The following CSMD1 variants were observed in gnomAD, a reference collection of about 807,000 sequenced individuals.
The protein encoded by CSMD1 is CUB and sushi domain-containing protein 1.
Under a neutral mutation model 417.5 loss-of-function variants are expected in CSMD1, and 213 were observed. The observed-to-expected ratio is 0.51, with a 90% CI of 0.46 to 0.57. CSMD1 has a LOEUF of 0.57. CSMD1 is among the 20% of genes least tolerant of loss of function. The probability of loss-of-function intolerance (pLI) is 0.00; values close to 1 mark genes in which losing one functional copy is unlikely to be tolerated. For synonymous variants in CSMD1, 2,862 were observed against 1,736.8 expected (o/e 1.65, Z -16.11); for missense variants, 6,923 against 4,529.7 (o/e 1.53, Z -15.17).
At chr8:4,910,798 A>T (rs1048896560) in intron 1 of CSMD1, among the ~76,000 whole-genome samples, 1 of 152,232 alleles carries the variant, frequency 6.6e-6, no homozygotes, top group Non-Finnish European at 1.5e-5. Flanking sequence ...AAATATAGTC[A>T]TCCAATTGAT....
intron 1 of CSMD1, among the ~76,000 whole-genome samples, chr8:4,874,101 G>A (rs936304230): frequency 4.6e-5 from 7 of 151,980 alleles, no homozygotes; most frequent in Non-Finnish European, 8.8e-5. Context: ...TCAGGCCTTG[G>A]TCTGTAGTAT....
At chr8:4,652,515 T>G (rs1803961469) in intron 1 of CSMD1, among the ~76,000 whole-genome samples, 1 of 151,962 alleles carries the variant, frequency 6.6e-6, no homozygotes, top group African/African-American at 2.4e-5. Flanking sequence ...TCGCCCCATG[T>G]GGTGGCTGCA....
At chr8:4,203,640 T>C (rs763799161) in intron 3 of CSMD1, among the ~76,000 whole-genome samples, 6 of 152,090 alleles carry the variant, frequency 3.9e-5, no homozygotes, top group Non-Finnish European at 7.4e-5. Context: ...GGGTGGACAC[T>C]ACACACATTG....
intron 3 of CSMD1, among the ~76,000 whole-genome samples, chr8:4,214,433 G>A (rs866812069): frequency 6.6e-6 from 1 of 152,140 alleles, no homozygotes; most frequent in South Asian, 2.1e-4. Context: ...AAGTAGCTGA[G>A]ACTGCAGGCA....
chr8:4,910,292 T>C (rs1259260533), intron 1 of CSMD1, among the ~76,000 whole-genome samples: 1 of 152,248 alleles, frequency 6.6e-6, no homozygotes, highest in Non-Finnish European at 1.5e-5. Context: ...CGCATATATC[T>C]TGATTTATAC....
chr8:4,053,257 T>C (rs1038240158), intron 3 of CSMD1, among the ~76,000 whole-genome samples: 3 of 152,228 alleles, frequency 2.0e-5, no homozygotes, highest in Admixed American at 6.5e-5. Flanking sequence ...ACTACCAAGA[T>C]TTATTCAAAG....
chr8:3,710,407 G>A (rs1563297548), intron 6 of CSMD1, among the ~76,000 whole-genome samples: 1 of 152,182 alleles, frequency 6.6e-6, no homozygotes, highest in Non-Finnish European at 1.5e-5. Context: ...TAAGGCTGGA[G>A]ACGATCAATG....
At chr8:4,188,883 C>G (rs920392104) in intron 3 of CSMD1, among the ~76,000 whole-genome samples, 1 of 151,830 alleles carries the variant, frequency 6.6e-6, no homozygotes, top group Middle Eastern at 3.4e-3. Context: ...GTCTATGGAT[C>G]TGCCTGATGA....
intron 1 of CSMD1, among the ~76,000 whole-genome samples, chr8:4,941,449 A>C (rs1807994994): frequency 6.6e-6 from 1 of 152,170 alleles, no homozygotes; most frequent in Admixed American, 6.6e-5. Flanking sequence ...CATGTTGTAC[A>C]ACAAGTGTGC....
chr8:4,491,780 G>C (rs918099841), intron 2 of CSMD1, among the ~76,000 whole-genome samples: 1 of 152,144 alleles, frequency 6.6e-6, no homozygotes, highest in Non-Finnish European at 1.5e-5. Context: ...TGGGAACGCA[G>C]AATGGTAGAG....
chr8:4,351,805 T>C (rs1458587535), intron 3 of CSMD1, among the ~76,000 whole-genome samples: 4 of 152,112 alleles, frequency 2.6e-5, no homozygotes, highest in Non-Finnish European at 4.4e-5. Context: ...ATCCAGCATC[T>C]CAAAAGGAGC....
intron 1 of CSMD1, among the ~76,000 whole-genome samples, chr8:4,657,056 A>T (rs1462667886): frequency 6.6e-6 from 1 of 152,166 alleles, no homozygotes; most frequent in Non-Finnish European, 1.5e-5. Context: ...ATGGAGGCAA[A>T]TAACACAGTG....
At chr8:3,788,270 C>G (rs1261562642) in intron 5 of CSMD1, among the ~76,000 whole-genome samples, 1 of 152,148 alleles carries the variant, frequency 6.6e-6, no homozygotes, top group East Asian at 1.9e-4. Context: ...CATCAGTTTT[C>G]TTTCTTAAGG....
rs150107196 is a variant in CSMD1, at chr8:3,824,422, A to C, written c.819-70380T>G. 5.0e-3 allele frequency among the ~76,000 whole-genome samples: 766 copies of C among 152,276 alleles called. 17 individuals carry two copies. The highest frequency in any genetic ancestry group is 0.043 in the Admixed American group (656 of 15,282). On this transcript the variant is annotated intron_variant, in intron 5 of 69. Transcript: ENST00000635120. The stretch of plus-strand genomic sequence containing the variant: ...AGCTCCCAATGGGAAAGATGAATAG[A>C]CATTACAATCCTGTGTAACTTTTCA...
At chr8:4,069,493 C>G (rs980666769) in intron 3 of CSMD1, among the ~76,000 whole-genome samples, 2 of 152,124 alleles carry the variant, frequency 1.3e-5, no homozygotes, top group African/African-American at 2.4e-5. Flanking sequence ...AGTAAATGTG[C>G]AGACAGCCTG....
rs763804321 is a variant in CSMD1 at position 4,764,895 on chromosome 8, C to CAAAACAAAACAAAAAAA, written c.86-127338_86-127337insTTTTTTTGTTTTGTTTT. Among the ~76,000 whole-genome samples the CAAAACAAAACAAAAAAA allele has an allele frequency of 7.1e-3, 217 of 30,474 alleles. 8 individuals carry two copies. Among genetic ancestry groups the CAAAACAAAACAAAAAAA allele is most frequent in the East Asian group, 0.017 (20 of 1,168 alleles). 20.0% of individuals were successfully genotyped at this position (30,474 alleles called of 152,430 possible). On this transcript the variant is annotated intron_variant, in intron 1 of 69. Transcript: ENST00000635120. Reference sequence around the variant, plus strand: ...CTCAAAAAAAAAAAAAAAAAAAAAACAACAACAACAAAAAAAAACCTTTGC... The same window carrying CAAAACAAAACAAAAAAA: ...CTCAAAAAAAAAAAAAAAAAAAAAACAAAACAAAACAAAAAAAAACAACAACAAAAAAAAACCTTTGC...
At chr8:3,575,271 G>A (rs1422426776) in intron 9 of CSMD1, among the ~76,000 whole-genome samples, 1 of 151,714 alleles carries the variant, frequency 6.6e-6, no homozygotes. Context: ...GGTATCTGCA[G>A]TGTTACGCTG....
intron 3 of CSMD1, among the ~76,000 whole-genome samples, chr8:4,349,726 C>T (rs114173747): frequency 0.017 from 2,539 of 152,006 alleles, 61 homozygotes; most frequent in African/African-American, 0.059. Context: ...GTTACAAGAT[C>T]ATTTATTTGA....
At chr8:4,601,851 G>T (rs1367527527) in intron 2 of CSMD1, among the ~76,000 whole-genome samples, 2 of 152,128 alleles carry the variant, frequency 1.3e-5, no homozygotes, top group Non-Finnish European at 2.9e-5. Flanking sequence ...TTCACCCTGG[G>T]TTCTGAGTCA....
Sources: allele counts gnomAD v4.1 joint callset (sites outside exome capture counted in the v4.1 genomes callset), GRCh38; gene constraint gnomAD v4.1.1; transcripts MANE v1.5; gene names NCBI Gene and HGNC (gene_info 2026-07-23, HGNC 2026-07-21).